The following SMARCE1 variants were observed in gnomAD, a reference collection of about 807,000 sequenced individuals.
SMARCE1 encodes the protein SWI/SNF related BAF chromatin remodeling complex subunit E1.
In SMARCE1, 13 loss-of-function variants were observed where a neutral mutation model predicts 54.9. That is an observed-to-expected ratio of 0.24 (90% CI 0.15 to 0.38). SMARCE1 has a LOEUF of 0.38. SMARCE1 is among the 10% of genes least tolerant of loss of function. The pLI, the probability that SMARCE1 is intolerant of heterozygous loss-of-function variation, is 1.00. For synonymous variants in SMARCE1, 151 were observed against 175.3 expected (o/e 0.86, Z 1.10); for missense variants, 295 against 523.8 (o/e 0.56, Z 4.26).
At chr17:40,629,088 C>T (rs2037064887) in intron 10 of SMARCE1, 95 bp from the exon 11 acceptor site, 5 of 992,294 alleles carry the variant, frequency 5.0e-6, no homozygotes, top group Admixed American at 1.9e-5. Context: ...ATAGAAGCCA[C>T]TAGCCACATG....
rs116516879 is a variant in SMARCE1 at position 40,638,413 on chromosome 17, C to T, written c.157-841G>A. 1.8e-3 allele frequency among the ~76,000 whole-genome samples: 267 copies of T among 150,766 alleles called. 2 individuals are homozygous for T. The highest frequency in any genetic ancestry group is 6.4e-3 in the African/African-American group (263 of 40,992). On this transcript the variant is annotated intron_variant, in intron 4 of 10. Coordinates refer to ENST00000348513, the MANE Select transcript of SMARCE1 (RefSeq NM_003079.5). ...AAAAGAGAGACAGAAGAAAAGGAGG[C>T]GGAGGGAAGACTGAAAAATATTTTT...
intron 10 of SMARCE1, 95 bp downstream of exon 10, chr17:40,630,619 G>C: frequency 1.1e-6 from 1 of 948,152 alleles, no homozygotes; most frequent in South Asian, 1.4e-5. Context: ...TCAGTGGCAG[G>C]TACCAGAATA....
intron 4 of SMARCE1, chr17:40,641,579 T>G (rs1238362905): frequency 6.6e-6 from 1 of 152,166 alleles, no homozygotes; most frequent in East Asian, 1.9e-4. Context: ...ATTAAAAACT[T>G]TACAGCCATT....
chr17:40,634,735 T>TA (rs1405909298), intron 7 of SMARCE1: 5 of 152,224 alleles, frequency 3.3e-5, no homozygotes, highest in African/African-American at 1.2e-4. Flanking sequence ...ATGAAAGCTT[T>TA]AGTTATTTTC....
chr17:40,631,784 G>T, intron 8 of SMARCE1, 91 bp from the exon 9 acceptor site: 1 of 740,698 alleles, frequency 1.4e-6, no homozygotes, highest in Non-Finnish European at 2.4e-6. Context: ...TTGAACTTTA[G>T]ATCATTTATC....
chr17:40,632,658 G>C (rs1426882107), intron 7 of SMARCE1: 1 of 305,862 alleles, frequency 3.3e-6, no homozygotes, highest in African/African-American at 2.2e-5. Flanking sequence ...TTCTGGCTTC[G>C]GAATCAATGT....
At chr17:40,635,151 A>C (rs1456870918) in intron 7 of SMARCE1, 3 of 151,840 alleles carry the variant, frequency 2.0e-5, no homozygotes, top group Non-Finnish European at 4.4e-5. Flanking sequence ...TGCTACTTTA[A>C]GATGGGATCT....
intron 5 of SMARCE1, 79 bp from the exon 6 acceptor site, chr17:40,636,605 C>A: frequency 2.7e-6 from 3 of 1,126,154 alleles, no homozygotes; most frequent in South Asian, 2.8e-5. Context: ...AATGTGGAAA[C>A]TTTTCAACAT....
At chr17:40,629,519 A>G (rs962779679) in intron 10 of SMARCE1, 1 of 1,225,560 alleles carries the variant, frequency 8.2e-7, no homozygotes, top group Non-Finnish European at 1.0e-6. Context: ...TAGAAATAAT[A>G]TAAGGTTGGT....
Position 40,636,026 on chromosome 17 carries a change from G to T in SMARCE1, c.446C>A (p.Ala149Glu). Reference protein sequence around the residue: ...YLAYINAKSRAEAALEEESRQ... With the variant: ...YLAYINAKSREEAALEEESRQ... ...ACTTTCTTCCTCTAAAGCAGCTTCTGCACGACTTTTTGCATTTATGTAAGC... is the reference window on the plus strand; with the variant it reads ...ACTTTCTTCCTCTAAAGCAGCTTCTTCACGACTTTTTGCATTTATGTAAGC... The change falls in exon 7 of 11, where the codon GCA becomes GAA. Residue 149 changes from alanine (A) to glutamate (E), a missense_variant. By Grantham distance (107) the Ala-to-Glu change is moderately radical. Around this residue, in one of 5 missense-constraint regions of SMARCE1, gnomAD observed 101 missense variants for 183.1 expected, o/e 0.55. Transcript: ENST00000348513. The T allele has an allele frequency of 1.2e-6, 2 of 1,613,668 alleles. No individual in the cohort carries two copies. The highest frequency in any genetic ancestry group is 1.7e-6 in the Non-Finnish European group (2 of 1,179,744).
At position 40,627,495 on chromosome 17, in the gene SMARCE1, G is replaced by C. The variant is rs1019669902; in HGVS notation, c.*1290C>G. The C allele has an allele frequency of 6.6e-6, 1 of 152,146 alleles. No individual in the cohort carries two copies. Among genetic ancestry groups the C allele is most frequent in the African/African-American group, 2.4e-5 (1 of 41,424 alleles). The allele number at this position is 152,146 out of a possible 1,614,324, so 9.4% of individuals were successfully genotyped here. On this transcript the variant is annotated 3_prime_UTR_variant, in exon 11 of 11. Transcript: ENST00000348513. ...GAATCAAAGACCAACTTCCATATGT[G>C]ACAATGACTATAATGTAAGAAAACT...
intron 7 of SMARCE1, chr17:40,634,886 T>C (rs1305603483): frequency 6.6e-6 from 1 of 152,256 alleles, no homozygotes; most frequent in Non-Finnish European, 1.5e-5. Flanking sequence ...AGTGTGAGGA[T>C]GCTAGTGTGT....
rs890133471 is a variant in SMARCE1 at position 40,645,866 on chromosome 17, G to GA, written c.-45-20dup. The GA allele has an allele frequency of 7.9e-3, 5,126 of 651,266 alleles. No homozygotes were observed. Among genetic ancestry groups the GA allele is most frequent in the South Asian group, 0.012 (243 of 21,112 alleles). The allele number at this position is 651,266 out of a possible 1,614,324, so 40.3% of individuals were successfully genotyped here. On this transcript the variant is annotated intron_variant, in intron 1 of 10. Coordinates refer to ENST00000348513, the MANE Select transcript of SMARCE1 (RefSeq NM_003079.5). ...TGAGACACTAAAATAAAAAAAAAAG[G>GA]AAAAAAAAAAGAGAATCAAAACTCA...
chr17:40,626,737 G>C lies in SMARCE1; in HGVS notation c.*2048C>G, dbSNP rs1237542092. 2 of 152,154 alleles carry C rather than the reference G, an allele frequency of 1.3e-5. No homozygotes were observed. Among genetic ancestry groups the C allele is most frequent in the Non-Finnish European group, 2.9e-5 (2 of 68,098 alleles). 9.4% of individuals were successfully genotyped at this position (152,154 alleles called of 1,614,324 possible). On this transcript the variant is annotated 3_prime_UTR_variant, in exon 11 of 11. Coordinates refer to ENST00000348513, the MANE Select transcript of SMARCE1 (RefSeq NM_003079.5). ...AAAATACAAAAATTAACCGGGCATG[G>C]TGGCGAGAGCCTGTAATCCCAGCTG...
intron 4 of SMARCE1, among the ~76,000 whole-genome samples, chr17:40,638,991 A>G (rs143129671): frequency 2.0e-5 from 3 of 152,170 alleles, no homozygotes; most frequent in African/African-American, 7.2e-5. Context: ...CTCCATCCCT[A>G]TAACTCTACT....
In SMARCE1 at chr17:40,637,555, C is replaced by T. The variant is rs201976136; in HGVS notation, c.174G>A (p.Thr58=). 1.8e-5 allele frequency: 29 copies of T among 1,613,126 alleles called. No individual in the cohort carries two copies. The highest frequency in any genetic ancestry group is 3.3e-5 in the Admixed American group (2 of 59,956). The change falls in exon 5 of 11, where the codon ACG becomes ACA. Residue 58 remains threonine, a synonymous_variant. Coordinates refer to ENST00000348513, the MANE Select transcript of SMARCE1 (RefSeq NM_003079.5). ...NSRVTASSGI[T]IPKPPKPPDK... ...CTGGTGGCTTTGGGGGTTTTGGAAT[C>T]GTGATACCAGAGGATGCCTACGAAA...
At position 40,635,973 on chromosome 17, in the gene SMARCE1, C is replaced by G. The variant is rs764773654; in HGVS notation, c.499G>C (p.Gly167Arg). The G allele has an allele frequency of 6.2e-7, 1 of 1,612,736 alleles. No homozygotes were observed. The highest frequency in any genetic ancestry group is 8.5e-7 in the Non-Finnish European group (1 of 1,179,522). Residue 167 changes from glycine to arginine, a missense_variant, in exon 7 of 11, where the codon GGA becomes CGA. Physicochemically the swap from Gly to Arg is moderately radical, Grantham distance 125. This residue lies in a region of SMARCE1 where 101 missense variants were observed against 183.1 expected (regional missense o/e 0.55). Coordinates refer to ENST00000348513, the MANE Select transcript of SMARCE1 (RefSeq NM_003079.5). Reference protein sequence around the residue: ...SRQRQSRMEKGEPYMSIQPAE... With the variant: ...SRQRQSRMEKREPYMSIQPAE... ...GGCTGAATGCTCATGTACGGTTCTC[C>G]TTTCTCCATGCGAGATTGTCTCTGT...
chr17:40,629,457 T>C, intron 10 of SMARCE1: 1 of 918,244 alleles, frequency 1.1e-6, no homozygotes, highest in Non-Finnish European at 1.4e-6. Flanking sequence ...TGTTGGACAG[T>C]GAATGAGAGT....
At chr17:40,632,905 T>G (rs1396372015) in intron 7 of SMARCE1, 1 of 152,500 alleles carries the variant, frequency 6.6e-6, no homozygotes, top group African/African-American at 2.4e-5. Flanking sequence ...AGAAGAAAAA[T>G]AAATGTCTGA....
Sources: gnomAD v4.1 joint callset for allele counts (sites outside exome capture counted in the v4.1 genomes callset) on GRCh38, gnomAD v4.1.1 for gene constraint, gnomAD v4.1.1 regional missense constraint, MANE v1.5 for transcripts, NCBI Gene and HGNC (gene_info 2026-07-23, HGNC 2026-07-21) for gene names.